The following MTMR14 variants were observed in gnomAD, a reference collection of about 807,000 sequenced individuals.
MTMR14 encodes the protein myotubularin related protein 14, also known as phosphatidylinositol-3,5-bisphosphate 3-phosphatase MTMR14.
MTMR14 carries 48 observed loss-of-function variants against 86.3 expected under a neutral mutation model. That is an observed-to-expected ratio of 0.56 (90% CI 0.44 to 0.71). MTMR14 has a LOEUF of 0.71. MTMR14 is among the 30% of genes least tolerant of loss of function. The probability of loss-of-function intolerance (pLI) is 0.00; values close to 1 mark genes in which losing one functional copy is unlikely to be tolerated. For missense variants in MTMR14, 780 were observed against 834.6 expected (o/e 0.93, Z 0.81); for synonymous variants, 366 against 326.1 (o/e 1.12, Z -1.32).
chr3:9,672,702 A>C lies in MTMR14; in HGVS notation c.695A>C (p.Lys232Thr), dbSNP rs1206813879. ...KFGMNVTSSE[K>T]VDKAQRYADF... is the part of the protein sequence containing the mutation. ...TCTTGTAGTGTAACCTCCTCTGAGA[A>C]GGTGGACAAAGCCCAGCGCTATGCC... Residue 232 changes from lysine (K) to threonine (T), a missense_variant, in exon 7 of 19, where the codon AAG becomes ACG. Transcript: ENST00000296003. 1 of 1,614,182 alleles carries C rather than the reference A, an allele frequency of 6.2e-7. No homozygotes were observed. The highest frequency in any genetic ancestry group is 8.5e-7 in the Non-Finnish European group (1 of 1,180,026).
At position 9,690,040 on chromosome 3, in the gene MTMR14, C is replaced by A. The variant is rs754260923; in HGVS notation, c.1510C>A (p.Gln504Lys). ...ACCCTCAGAGGACCGCTTGCCTTCC[C>A]AGCAGGGGCTGGCGGAAGCCAGGTC... is the stretch of plus-strand genomic sequence containing the variant. ...PQPSEDRLPS[Q>K]QGLAEARSSS... Residue 504 changes from glutamine to lysine, a missense_variant, in exon 17 of 19, where the codon CAG becomes AAG. Physicochemically the swap from Gln to Lys is moderately conservative, Grantham distance 53. Coordinates refer to ENST00000296003, the MANE Select transcript of MTMR14 (RefSeq NM_001077525.3). 6.2e-7 allele frequency: 1 copy of A among 1,612,956 alleles called. No homozygotes were observed. The highest frequency in any genetic ancestry group is 8.5e-7 in the Non-Finnish European group (1 of 1,179,982).
chr3:9,664,735 T>C (rs2048151717), intron 3 of MTMR14, among the ~76,000 whole-genome samples: 1 of 152,092 alleles, frequency 6.6e-6, no homozygotes, highest in Admixed American at 6.6e-5. Flanking sequence ...AGTAGAGTTA[T>C]GGTTACCAGA....
chr3:9,668,860 C>A, intron 4 of MTMR14, 66 bp downstream of exon 4: 1 of 1,545,864 alleles, frequency 6.5e-7, no homozygotes, highest in South Asian at 1.1e-5. Context: ...GCTACCCGGG[C>A]CGGGCGCCAT....
intron 16 of MTMR14, 32 bp from the exon 17 acceptor site, chr3:9,689,932 C>T (rs774941406): frequency 5.0e-6 from 8 of 1,593,912 alleles, no homozygotes; most frequent in Non-Finnish European, 6.8e-6. Flanking sequence ...TGCAGTGGCC[C>T]CCGGCTCACA....
chr3:9,698,945 G>GA (rs2076367643), intron 18 of MTMR14, among the ~76,000 whole-genome samples: 1 of 152,036 alleles, frequency 6.6e-6, no homozygotes, highest in African/African-American at 2.4e-5. Flanking sequence ...GAGGCGGGCG[G>GA]ATCACCTAAG....
chr3:9,701,652 A>G lies in MTMR14; in HGVS notation c.1770-138A>G. On this transcript the variant is annotated intron_variant, in intron 18 of 18. Transcript: ENST00000296003. The surrounding 1 kb of genome is among the most constrained non-coding windows in gnomAD (Gnocchi z 4.2). ...TATTTGGGGCCTGAACCACAAGGAT[A>G]GCATGGCCGTAGGACAGACACTGGC... 9.9e-7 allele frequency: 1 copy of G among 1,010,548 alleles called. No individual in the cohort carries two copies. The highest frequency in any genetic ancestry group is 1.6e-5 in the African/African-American group (1 of 63,514). 62.6% of individuals were successfully genotyped at this position (1,010,548 alleles called of 1,614,324 possible).
intron 2 of MTMR14, among the ~76,000 whole-genome samples, chr3:9,654,116 C>G (rs931113324): frequency 6.6e-6 from 1 of 152,100 alleles, no homozygotes; most frequent in Non-Finnish European, 1.5e-5. Flanking sequence ...CAGCGTTTAC[C>G]GTATGTAGCA....
At chr3:9,651,674 CTT>C (rs142442362) in intron 1 of MTMR14, among the ~76,000 whole-genome samples, 1 of 151,260 alleles carries the variant, frequency 6.6e-6, no homozygotes, top group Non-Finnish European at 1.5e-5. Flanking sequence ...TTCTTGCAAA[CTT>C]TTTTTTTCAG....
At chr3:9,665,355 A>G (rs1417106906) in intron 3 of MTMR14, among the ~76,000 whole-genome samples, 1 of 151,976 alleles carries the variant, frequency 6.6e-6, no homozygotes, top group Non-Finnish European at 1.5e-5. Flanking sequence ...TAAAACTTAA[A>G]TTCTTCCAGC....
intron 7 of MTMR14, chr3:9,675,499 G>A (rs1182994786): frequency 1.3e-5 from 6 of 450,692 alleles, no homozygotes; most frequent in South Asian, 9.4e-5. Flanking sequence ...ACACTATCTT[G>A]GGCCCTTGGA....
intron 2 of MTMR14, among the ~76,000 whole-genome samples, chr3:9,657,079 AT>A (rs1035677853): frequency 8.6e-5 from 13 of 151,762 alleles, no homozygotes; most frequent in African/African-American, 2.9e-4. Context: ...CTCCCAGCTG[AT>A]TTTTTTTAAT....
At chr3:9,668,638 G>C in intron 3 of MTMR14, 81 bp from the exon 4 acceptor site, 2 of 1,453,662 alleles carry the variant, frequency 1.4e-6, no homozygotes, top group Admixed American at 1.7e-5. Context: ...GCCTGGAAGA[G>C]TCAGAGGAGT....
chr3:9,701,085 A>G lies in MTMR14; in HGVS notation c.1770-705A>G, dbSNP rs990184585. On this transcript the variant is annotated intron_variant, in intron 18 of 18. Transcript: ENST00000296003. This position sits in a 1 kb window ranked among gnomAD's most constrained non-coding sequence, Gnocchi z 4.2. ...CTCCCAAAGTGCTGGGATTACAGCC[A>G]AGGCTGAGGACTTTCAACAGCTGCA... 1 of 152,726 alleles carries G rather than the reference A, an allele frequency of 6.5e-6. No homozygotes were observed. The highest frequency in any genetic ancestry group is 2.4e-5 in the African/African-American group (1 of 41,434). The allele number at this position is 152,726 out of a possible 1,614,324, so 9.5% of individuals were successfully genotyped here.
chr3:9,673,448 T>C (rs2048680790), intron 7 of MTMR14, among the ~76,000 whole-genome samples: 2 of 152,242 alleles, frequency 1.3e-5, no homozygotes, highest in South Asian at 4.1e-4. Context: ...TTTCTGGCAA[T>C]ACCTGCCTGT....
In MTMR14 at chr3:9,684,959, C is replaced by A. The variant is rs1037035012; in HGVS notation, c.1122C>A (p.Leu374=). 2 of 1,614,128 alleles carry A rather than the reference C, an allele frequency of 1.2e-6. No homozygotes were observed. The highest frequency in any genetic ancestry group is 3.3e-5 in the Admixed American group (2 of 60,024). The change falls in exon 12 of 19, where the codon CTC becomes CTA. Residue 374 remains leucine (L), a synonymous_variant. Coordinates refer to ENST00000296003, the MANE Select transcript of MTMR14 (RefSeq NM_001077525.3). ...LYLTVAYDWF[L]FGHMLVDRLS... is the part of the protein sequence containing the mutation. The stretch of plus-strand genomic sequence containing the variant: ...TCACTGTGGCCTATGACTGGTTCCT[C>A]TTCGGGTAAGCCTTTGCAGGAGTTG...
At chr3:9,692,086 C>T (rs569583784) in intron 17 of MTMR14, among the ~76,000 whole-genome samples, 7 of 152,286 alleles carry the variant, frequency 4.6e-5, no homozygotes, top group Non-Finnish European at 1.0e-4. Flanking sequence ...CTAAGGGATC[C>T]TGTCATTACC....
At chr3:9,650,067 T>A (rs565413225) in intron 1 of MTMR14, among the ~76,000 whole-genome samples, 1 of 152,014 alleles carries the variant, frequency 6.6e-6, no homozygotes, top group East Asian at 1.9e-4. Flanking sequence ...CTGCTTCAGG[T>A]GCCGTAGGAT....
rs200240328 is a variant in MTMR14, at chr3:9,685,191, C to G, written c.1128-20C>G. On this transcript the variant is annotated intron_variant, in intron 12 of 18. Transcript: ENST00000296003. ...CATCTTGGTGCTGCTGACTTTGCCT[C>G]TCTACCCTCCTTTTTTCAGGCACAT... The G allele has an allele frequency of 2.0e-5, 33 of 1,614,168 alleles. No homozygotes were observed. Among genetic ancestry groups the G allele is most frequent in the African/African-American group, 2.7e-5 (2 of 75,036 alleles).
Position 9,684,573 on chromosome 3 carries a change from G to C in MTMR14, c.965-12G>C, listed in dbSNP as rs768546189. 12 of 1,613,864 alleles carry C rather than the reference G, an allele frequency of 7.4e-6. No homozygotes were observed. The East Asian group carries it at 2.7e-4, about 36-fold the overall frequency. ...TCTCTCCTGGGCATCCTCTCCTGCG[G>C]TTCCTGAGTAGATGACAGCGGGCTG... On this transcript the variant is annotated splice_polypyrimidine_tract_variant and intron_variant, in intron 10 of 18. Coordinates refer to ENST00000296003, the MANE Select transcript of MTMR14 (RefSeq NM_001077525.3).
Sources: gnomAD v4.1 joint callset for allele counts (sites outside exome capture counted in the v4.1 genomes callset) on GRCh38, gnomAD v4.1.1 for gene constraint, Gnocchi (gnomAD v3.1) non-coding constraint, MANE v1.5 for transcripts, NCBI Gene and HGNC (gene_info 2026-07-23, HGNC 2026-07-21) for gene names.